Variants in NCOA6 observed in about 807,000 individuals in gnomAD.
NCOA6 encodes the protein nuclear receptor coactivator 6.
Under a neutral mutation model 171.4 loss-of-function variants are expected in NCOA6, and 49 were observed. That is an observed-to-expected ratio of 0.29 (90% CI 0.23 to 0.36). NCOA6 has a LOEUF of 0.36. Ranked by LOEUF, NCOA6 falls within the 10% of genes least tolerant of loss-of-function variation. NCOA6 has a pLI of 1.00. For synonymous variants in NCOA6, 910 were observed against 927.5 expected, an observed-to-expected ratio of 0.98 and a Z score of 0.34; for missense variants, 2,248 against 2,554.5, an observed-to-expected ratio of 0.88 and a Z score of 2.59.
chr20:34,803,466 A>G (rs1298834253), intron 1 of NCOA6, among the ~76,000 whole-genome samples: 1 of 145,960 alleles, frequency 6.9e-6, no homozygotes, highest in East Asian at 2.0e-4. Flanking sequence ...GACTTGGTCT[A>G]AAAAAAAAAA....
intron 12 of NCOA6, among the ~76,000 whole-genome samples, chr20:34,734,523 T>G (rs1302641353): frequency 6.6e-6 from 1 of 151,928 alleles, no homozygotes; most frequent in Non-Finnish European, 1.5e-5. Flanking sequence ...TTTAAAAATT[T>G]TTTGTAGAGA....
At position 34,736,820 on chromosome 20, in the gene NCOA6, T is replaced by A. The variant is rs1433385567; in HGVS notation, c.5894-62A>T. On this transcript the variant is annotated intron_variant, in intron 11 of 14. Coordinates refer to ENST00000359003, the MANE Select transcript of NCOA6 (RefSeq NM_014071.5). ...TTCTTTTCTAAACAAAAAGAAAGCA[T>A]TAACCTAATCAAGGGCTAAGTAACT... The A allele has an allele frequency of 3.5e-6, 5 of 1,440,190 alleles. No homozygotes were observed. The South Asian group carries it at 6.4e-5, about 18-fold the overall frequency. 89.2% of individuals were successfully genotyped at this position (1,440,190 alleles called of 1,614,324 possible).
rs1432353447 is a variant in NCOA6 at position 34,741,927 on chromosome 20, T to A, written c.4329A>T (p.Ala1443=). 6.2e-7 allele frequency: 1 copy of A among 1,614,254 alleles called. No individual in the cohort carries two copies. Among genetic ancestry groups the A allele is most frequent in the South Asian group, 1.1e-5 (1 of 91,086 alleles). Residue 1443 remains alanine, a synonymous_variant, in exon 11 of 15, where the codon GCA becomes GCT. Coordinates refer to ENST00000359003, the MANE Select transcript of NCOA6 (RefSeq NM_014071.5). The part of the protein sequence containing the change: ...RKEQVNIELK[A]VPAQEVKMVV... ...CCATTTTAACTTCTTGGGCAGGGACTGCTTTTAGTTCAATGTTTACCTGTT... is the reference window on the plus strand; with the variant it reads ...CCATTTTAACTTCTTGGGCAGGGACAGCTTTTAGTTCAATGTTTACCTGTT...
intron 11 of NCOA6, among the ~76,000 whole-genome samples, chr20:34,737,022 A>C (rs2075978327): frequency 1.3e-5 from 2 of 152,200 alleles, no homozygotes. Flanking sequence ...GATGGCTATA[A>C]GAACATAGCA....
At chr20:34,738,518 C>G (rs934519274) in intron 11 of NCOA6, among the ~76,000 whole-genome samples, 6 of 152,118 alleles carry the variant, frequency 3.9e-5, no homozygotes, top group Non-Finnish European at 8.8e-5. Context: ...TCATCTACAC[C>G]AACAGAACTA....
chr20:34,790,570 T>C (rs1363023362), intron 2 of NCOA6, among the ~76,000 whole-genome samples: 2 of 152,122 alleles, frequency 1.3e-5, no homozygotes, highest in Non-Finnish European at 2.9e-5. Flanking sequence ...TTAGCCAGGA[T>C]GGTCTCGATC....
chr20:34,789,872 C>A (rs1357041079), intron 2 of NCOA6, among the ~76,000 whole-genome samples: 1 of 152,064 alleles, frequency 6.6e-6, no homozygotes, highest in Non-Finnish European at 1.5e-5. Flanking sequence ...AAATAATATT[C>A]TTCACGGCAA....
At position 34,768,445 on chromosome 20, in the gene NCOA6, A is replaced by G. The variant is rs1260033231; in HGVS notation, c.514+19T>C. The stretch of plus-strand genomic sequence containing the variant: ...AAGGAAACTAGTAAAATGTCATACA[A>G]TTGAGTGGGAGGTCTTACCTGGACC... On this transcript the variant is annotated intron_variant, in intron 5 of 14. Transcript: ENST00000359003. 1 of 1,612,558 alleles carries G rather than the reference A, an allele frequency of 6.2e-7. No homozygotes were observed. Among genetic ancestry groups the G allele is most frequent in the Admixed American group, 1.7e-5 (1 of 59,532 alleles).
chr20:34,787,207 C>G (rs1601027378), intron 2 of NCOA6, among the ~76,000 whole-genome samples: 1 of 151,728 alleles, frequency 6.6e-6, no homozygotes, highest in South Asian at 2.1e-4. Context: ...TGTCTCCAGA[C>G]AGCAGCCACA....
intron 7 of NCOA6, among the ~76,000 whole-genome samples, chr20:34,756,768 A>T (rs1313188755): frequency 6.6e-6 from 1 of 152,206 alleles, no homozygotes; most frequent in Admixed American, 6.5e-5. Flanking sequence ...AACAAGTACC[A>T]TGCTTACTAT....
chr20:34,818,518 C>A (rs1178776462), intron 1 of NCOA6, among the ~76,000 whole-genome samples: 1 of 152,116 alleles, frequency 6.6e-6, no homozygotes, highest in Non-Finnish European at 1.5e-5. Context: ...ATTCCAACAA[C>A]ACCCTTATAA....
chr20:34,754,174 A>G (rs1401170404), intron 8 of NCOA6, among the ~76,000 whole-genome samples: 1 of 152,232 alleles, frequency 6.6e-6, no homozygotes, highest in Non-Finnish European at 1.5e-5. Context: ...TGTACCACGT[A>G]GAGATTTAAA....
In NCOA6 at chr20:34,757,984, G is replaced by A; in HGVS notation, c.764C>T (p.Ala255Val). The change falls in exon 7 of 15, where the codon GCT becomes GTT. Residue 255 changes from alanine (A) to valine (V), a missense_variant. Physicochemically the swap from Ala to Val is moderately conservative, Grantham distance 64. Around this residue, in one of 7 missense-constraint regions of NCOA6, gnomAD observed 987 missense variants for 1,104.7 expected, o/e 0.89. Coordinates refer to ENST00000359003, the MANE Select transcript of NCOA6 (RefSeq NM_014071.5). ...CTGCTGCTGCAGCTGGGGAAAATTA[G>A]CTGGGTTCATTTGTCTGTTCACAGA... ...PVSVNRQMNP[A>V]NFPQLQQQQQ... is the part of the protein sequence containing the mutation. 1 of 1,613,902 alleles carries A rather than the reference G, an allele frequency of 6.2e-7. No homozygotes were observed. The highest frequency in any genetic ancestry group is 8.5e-7 in the Non-Finnish European group (1 of 1,179,974).
intron 14 of NCOA6, among the ~76,000 whole-genome samples, chr20:34,724,238 AGGCCT>A (rs1989705789): frequency 6.6e-6 from 1 of 152,214 alleles, no homozygotes. Flanking sequence ...AAAAGAAAGA[AGGCCT>A]CTCTCACCTT....
chr20:34,732,199 AAAC>A (rs1252442998), intron 13 of NCOA6, among the ~76,000 whole-genome samples: 1 of 152,210 alleles, frequency 6.6e-6, no homozygotes, highest in African/African-American at 2.4e-5. Context: ...TTTCAGGGTC[AAAC>A]AACTGTTCTT....
chr20:34,774,948 A>G (rs1478539173), intron 4 of NCOA6, among the ~76,000 whole-genome samples: 1 of 152,242 alleles, frequency 6.6e-6, no homozygotes, highest in African/African-American at 2.4e-5. Context: ...CTTTTGTGAG[A>G]GCACATAGCA....
chr20:34,784,312 C>A (rs927012607), intron 2 of NCOA6, among the ~76,000 whole-genome samples: 5 of 151,882 alleles, frequency 3.3e-5, no homozygotes, highest in African/African-American at 2.4e-5. Flanking sequence ...GCAGCCTCAA[C>A]CTCCTGGGCT....
chr20:34,807,747 G>C (rs1021036973), intron 1 of NCOA6, among the ~76,000 whole-genome samples: 2 of 151,876 alleles, frequency 1.3e-5, no homozygotes, highest in African/African-American at 4.8e-5. Flanking sequence ...GGATGGTCTC[G>C]ATCTCCTGAC....
chr20:34,790,042 C>T (rs1447345064), intron 2 of NCOA6, among the ~76,000 whole-genome samples: 1 of 150,326 alleles, frequency 6.7e-6, no homozygotes, highest in Non-Finnish European at 1.5e-5. Context: ...CGAGACCAGC[C>T]TGGCCAACGT....
Sources: allele counts gnomAD v4.1 joint callset (sites outside exome capture counted in the v4.1 genomes callset), GRCh38; gene constraint gnomAD v4.1.1; regional missense constraint gnomAD v4.1.1; transcripts MANE v1.5; gene names NCBI Gene and HGNC (gene_info 2026-07-23, HGNC 2026-07-21).